ACADM: variants seen among roughly 807,000 people sequenced by gnomAD.
ACADM encodes acyl-CoA dehydrogenase medium chain.
Under a neutral mutation model 58.9 loss-of-function variants are expected in ACADM, and 49 were observed. The observed-to-expected ratio is 0.83, with a 90% CI of 0.66 to 1.06. ACADM has a LOEUF of 1.06. Ranked by LOEUF, ACADM falls within the 50% of genes least tolerant of loss-of-function variation. ACADM has a pLI of 0.00. For missense variants in ACADM, 496 were observed against 507.0 expected (o/e 0.98, Z 0.21); for synonymous variants, 160 against 157.7 (o/e 1.01, Z -0.11).
At chr1:75,747,086 C>T (rs1647943507) in intron 8 of ACADM, among the ~76,000 whole-genome samples, 1 of 151,986 alleles carries the variant, frequency 6.6e-6, no homozygotes, top group African/African-American at 2.4e-5. Context: ...TGTGCTTTTC[C>T]CAAGAAATTG....
intron 10 of ACADM, 110 bp downstream of exon 10, chr1:75,750,656 G>T (rs1455216255): frequency 2.0e-5 from 16 of 785,856 alleles, no homozygotes; most frequent in Non-Finnish European, 3.5e-5. Flanking sequence ...TTGATAGCAA[G>T]AAGATAATGT....
intron 8 of ACADM, among the ~76,000 whole-genome samples, chr1:75,749,059 ATGTACT>A (rs1191980010): frequency 6.6e-6 from 1 of 152,196 alleles, no homozygotes; most frequent in Middle Eastern, 3.2e-3. Flanking sequence ...TGTTGATAAG[ATGTACT>A]TGTAGACCTT....
At position 75,763,041 on chromosome 1, in the gene ACADM, A is replaced by C; in HGVS notation, c.*278A>C. ...AGGTTATTTTGATCTCTTAAGATTAATGTAGCAGAAATTTCTTGGAATTTT... is the reference window on the plus strand; with the variant it reads ...AGGTTATTTTGATCTCTTAAGATTACTGTAGCAGAAATTTCTTGGAATTTT... On this transcript the variant is annotated 3_prime_UTR_variant, in exon 12 of 12. Transcript: ENST00000370841. The C allele has an allele frequency of 9.2e-6, 2 of 216,968 alleles. No individual in the cohort carries two copies. Among genetic ancestry groups the C allele is most frequent in the Non-Finnish European group, 1.8e-5 (2 of 109,260 alleles). The allele number at this position is 216,968 out of a possible 1,614,324, so 13.4% of individuals were successfully genotyped here.
chr1:75,743,537 T>G, intron 7 of ACADM: 1 of 1,606,368 alleles, frequency 6.2e-7, no homozygotes, highest in Non-Finnish European at 8.5e-7. Context: ...ACGTACATCA[T>G]GGGCTGCACC....
intron 7 of ACADM, among the ~76,000 whole-genome samples, chr1:75,740,323 T>C (rs1647498218): frequency 6.6e-6 from 1 of 152,170 alleles, no homozygotes; most frequent in African/African-American, 2.4e-5. Flanking sequence ...GTTTAATGTG[T>C]AAAATAAAAT....
At chr1:75,753,494 T>C (rs1648318907) in intron 10 of ACADM, among the ~76,000 whole-genome samples, 1 of 152,018 alleles carries the variant, frequency 6.6e-6, no homozygotes, top group African/African-American at 2.4e-5. Flanking sequence ...TTTTACTAAA[T>C]GTTAGTTTAT....
intron 7 of ACADM, among the ~76,000 whole-genome samples, chr1:75,742,382 C>T (rs1390382712): frequency 6.6e-6 from 1 of 152,176 alleles, no homozygotes; most frequent in Non-Finnish European, 1.5e-5. Context: ...AGGGTGGTTT[C>T]CTACCCCAGT....
Position 75,732,834 on chromosome 1 carries a change from T to A in ACADM, c.217-19T>A. On this transcript the variant is annotated intron_variant, in intron 3 of 11. Coordinates refer to ENST00000370841, the MANE Select transcript of ACADM (RefSeq NM_000016.6). ...TCTGGATTTCAAAATATATTTTAAC[T>A]CAGTTCTTTTTCTTCTAGTATCCAG... The A allele has an allele frequency of 1.9e-6, 3 of 1,611,058 alleles. No homozygotes were observed. The highest frequency in any genetic ancestry group is 2.5e-6 in the Non-Finnish European group (3 of 1,177,262).
At chr1:75,743,872 A>G (rs1357620134) in intron 7 of ACADM, 8 of 1,422,872 alleles carry the variant, frequency 5.6e-6, no homozygotes, top group South Asian at 1.1e-5. Context: ...TATATCATCA[A>G]TCACTGCGTT....
chr1:75,743,607 A>G (rs1647707404), intron 7 of ACADM: 2 of 1,564,918 alleles, frequency 1.3e-6, no homozygotes, highest in South Asian at 2.2e-5. Flanking sequence ...CCAGGATGGC[A>G]GACAGGGGGG....
At chr1:75,724,853 C>T in intron 1 of ACADM, 36 bp downstream of exon 1, 1 of 1,448,208 alleles carries the variant, frequency 6.9e-7, no homozygotes, top group Non-Finnish European at 9.1e-7. Flanking sequence ...GGGGCTGGAA[C>T]ATGGGTATTG....
chr1:75,760,882 T>C (rs947478173), intron 10 of ACADM, among the ~76,000 whole-genome samples: 7 of 152,102 alleles, frequency 4.6e-5, no homozygotes, highest in Non-Finnish European at 8.8e-5. Context: ...GTGTAACTTC[T>C]ATAAACCTAA....
At chr1:75,744,793 G>A (rs1026981164) in intron 7 of ACADM, 9 of 568,806 alleles carry the variant, frequency 1.6e-5, no homozygotes, top group African/African-American at 1.3e-4. Context: ...CCGGGTCTCC[G>A]TTTTATATTA....
intron 7 of ACADM, chr1:75,744,524 C>T: frequency 2.0e-6 from 3 of 1,512,086 alleles, no homozygotes; most frequent in Non-Finnish European, 2.8e-6. Context: ...CTGACATCTC[C>T]CTCTGTGACA....
rs180715739 is a variant in ACADM at position 75,760,310 on chromosome 1, T to A, written c.946-812T>A. 5.4e-4 allele frequency among the ~76,000 whole-genome samples: 75 copies of A among 137,944 alleles called. 1 individual carries two copies. The highest frequency in any genetic ancestry group is 2.0e-3 in the Admixed American group (27 of 13,500). The allele number at this position is 137,944 out of a possible 152,430, so 90.5% of individuals were successfully genotyped here. Reference sequence around the variant, plus strand: ...CCTGGTGTGGTGGCACACGCCCAGCTACTCGGGAGGCTGAGGCAGGAAAAT... The same window carrying A: ...CCTGGTGTGGTGGCACACGCCCAGCAACTCGGGAGGCTGAGGCAGGAAAAT... On this transcript the variant is annotated intron_variant, in intron 10 of 11. Transcript: ENST00000370841.
At chr1:75,733,047 T>C in intron 4 of ACADM, 125 bp downstream of exon 4, 1 of 1,613,420 alleles carries the variant, frequency 6.2e-7, no homozygotes. Flanking sequence ...GTCTTCCTGC[T>C]CAGACTACAG....
chr1:75,761,452 A>G, intron 11 of ACADM, 82 bp downstream of exon 11: 2 of 1,488,750 alleles, frequency 1.3e-6, no homozygotes, highest in South Asian at 2.3e-5. Context: ...TTATTTAGAA[A>G]TTTTATGTCC....
At chr1:75,745,314 T>A (rs929421546) in intron 7 of ACADM, among the ~76,000 whole-genome samples, 1 of 152,006 alleles carries the variant, frequency 6.6e-6, no homozygotes, top group Non-Finnish European at 1.5e-5. Context: ...TAGTGAGACT[T>A]CATCCCTACA....
chr1:75,756,989 G>A (rs1648544010), intron 10 of ACADM, among the ~76,000 whole-genome samples: 1 of 152,126 alleles, frequency 6.6e-6, no homozygotes, highest in Admixed American at 6.5e-5. Context: ...AATGGTGCTG[G>A]GAAAACTGGC....
Sources: allele counts gnomAD v4.1 joint callset (sites outside exome capture counted in the v4.1 genomes callset), GRCh38; gene constraint gnomAD v4.1.1; transcripts MANE v1.5; gene names NCBI Gene and HGNC (gene_info 2026-07-23, HGNC 2026-07-21).